CCDC126: variants seen among roughly 807,000 people sequenced by gnomAD.
The protein encoded by CCDC126 is coiled-coil domain-containing protein 126.
Under a neutral mutation model 11.7 loss-of-function variants are expected in CCDC126, and 5 were observed. The observed-to-expected ratio is 0.43, with a 90% CI of 0.22 to 0.90. CCDC126 has a LOEUF of 0.90. Ranked by LOEUF, CCDC126 falls within the 40% of genes least tolerant of loss-of-function variation. The probability of loss-of-function intolerance (pLI) is 0.27; values close to 1 mark genes in which losing one functional copy is unlikely to be tolerated. For synonymous variants in CCDC126, 60 were observed against 61.9 expected (o/e 0.97, Z 0.14); for missense variants, 150 against 163.1 (o/e 0.92, Z 0.44).
intron 3 of CCDC126, among the ~76,000 whole-genome samples, chr7:23,640,966 A>G (rs1018996440): frequency 6.9e-6 from 1 of 144,536 alleles, no homozygotes; most frequent in Admixed American, 6.9e-5. Context: ...GTGTATAAGT[A>G]TCCCTCTGAG....
chr7:23,622,812 G>A (rs1782941117), intron 3 of CCDC126: 1 of 445,398 alleles, frequency 2.2e-6, no homozygotes, highest in Non-Finnish European at 4.4e-6. Flanking sequence ...TGATTACAGA[G>A]CCCCTCCATT....
Position 23,643,222 on chromosome 7 carries a change from C to T in CCDC126, c.*107C>T. 1.1e-6 allele frequency: 1 copy of T among 931,562 alleles called. No homozygotes were observed. The highest frequency in any genetic ancestry group is 1.6e-6 in the Non-Finnish European group (1 of 638,756). The allele number at this position is 931,562 out of a possible 1,614,324, so 57.7% of individuals were successfully genotyped here. On this transcript the variant is annotated 3_prime_UTR_variant, in exon 4 of 4. Coordinates refer to ENST00000307471, the MANE Select transcript of CCDC126 (RefSeq NM_138771.4). ...ACAGAGCAATACTTTACAATAAAAG[C>T]TCTACACATTTTCAAGGAGTATGCT... is the stretch of plus-strand genomic sequence containing the variant.
At chr7:23,639,054 G>C (rs921492732) in intron 3 of CCDC126, among the ~76,000 whole-genome samples, 1 of 151,764 alleles carries the variant, frequency 6.6e-6, no homozygotes, top group African/African-American at 2.4e-5. Context: ...TGATTGAAAG[G>C]TATTAATAAA....
chr7:23,611,223 G>A lies in CCDC126; in HGVS notation c.-93G>A. 1.3e-6 allele frequency: 1 copy of A among 757,128 alleles called. No individual in the cohort carries two copies. Among genetic ancestry groups the A allele is most frequent in the South Asian group, 1.6e-5 (1 of 61,090 alleles). 46.9% of individuals were successfully genotyped at this position (757,128 alleles called of 1,614,324 possible). A position where few individuals can be genotyped will look rare whatever the true frequency, so the allele number is the denominator to read the frequency against. ...GAAGATGAAGAATATACAATATTGA[G>A]GATATTTTTTTCTTTTTTTTTTCAA... On this transcript the variant is annotated 5_prime_UTR_variant, in exon 3 of 4. Transcript: ENST00000307471.
At chr7:23,640,542 A>G (rs113496231) in intron 3 of CCDC126, among the ~76,000 whole-genome samples, 67 of 152,260 alleles carry the variant, frequency 4.4e-4, no homozygotes, top group African/African-American at 1.6e-3. Context: ...ATCAATATTC[A>G]TTATATTCAC....
chr7:23,625,685 T>G (rs1783003715), intron 3 of CCDC126, among the ~76,000 whole-genome samples: 1 of 142,238 alleles, frequency 7.0e-6, no homozygotes, highest in South Asian at 2.3e-4. Context: ...AGGCAGAGTC[T>G]TGCTCTGTTG....
At chr7:23,623,864 G>A (rs1782969409) in intron 3 of CCDC126, among the ~76,000 whole-genome samples, 1 of 151,970 alleles carries the variant, frequency 6.6e-6, no homozygotes, top group Admixed American at 6.6e-5. Context: ...ATAAATTGTC[G>A]CTTTGTAGTA....
At chr7:23,616,634 C>T (rs1429344923) in intron 3 of CCDC126, among the ~76,000 whole-genome samples, 1 of 152,098 alleles carries the variant, frequency 6.6e-6, no homozygotes, top group African/African-American at 2.4e-5. Context: ...CTCCTCATCC[C>T]CCTAGGTTCC....
intron 3 of CCDC126, among the ~76,000 whole-genome samples, chr7:23,613,190 A>G (rs983024041): frequency 2.0e-5 from 3 of 152,126 alleles, no homozygotes; most frequent in African/African-American, 7.2e-5. Context: ...GCGCACTTGT[A>G]GTTCCAGCTA....
intron 3 of CCDC126, among the ~76,000 whole-genome samples, chr7:23,628,420 C>G (rs552530823): frequency 6.6e-6 from 1 of 152,208 alleles, no homozygotes; most frequent in Non-Finnish European, 1.5e-5. Context: ...CCTGTTCTCT[C>G]TAGCCAAGAA....
chr7:23,620,900 A>T (rs1396769463), intron 3 of CCDC126, among the ~76,000 whole-genome samples: 3 of 152,094 alleles, frequency 2.0e-5, no homozygotes, highest in Non-Finnish European at 4.4e-5. Flanking sequence ...GATGTGTGGT[A>T]TTATTTCTGA....
At chr7:23,612,267 G>C (rs973346516) in intron 3 of CCDC126, among the ~76,000 whole-genome samples, 23 of 151,174 alleles carry the variant, frequency 1.5e-4, no homozygotes, top group African/African-American at 4.6e-4. Flanking sequence ...GACTAGCCTA[G>C]TAGCCTAGGC....
At chr7:23,626,308 T>A (rs1238774222) in intron 3 of CCDC126, among the ~76,000 whole-genome samples, 1 of 152,158 alleles carries the variant, frequency 6.6e-6, no homozygotes, top group Non-Finnish European at 1.5e-5. Flanking sequence ...GAGTACAAAT[T>A]ATAATAAGAT....
At chr7:23,633,529 A>T (rs17148222) in intron 3 of CCDC126, among the ~76,000 whole-genome samples, 1 of 151,760 alleles carries the variant, frequency 6.6e-6, no homozygotes, top group Non-Finnish European at 1.5e-5. Flanking sequence ...TAGTAGCTTC[A>T]TAGTAAAACT....
intron 3 of CCDC126, among the ~76,000 whole-genome samples, chr7:23,641,448 A>G (rs927955041): frequency 2.6e-5 from 4 of 152,146 alleles, no homozygotes; most frequent in Non-Finnish European, 4.4e-5. Context: ...CTCCCATTCT[A>G]TAGGTTGTCT....
chr7:23,616,536 G>T (rs1246196894), intron 3 of CCDC126, among the ~76,000 whole-genome samples: 1 of 152,164 alleles, frequency 6.6e-6, no homozygotes, highest in Non-Finnish European at 1.5e-5. Context: ...ATGCTTCATT[G>T]TAAGTTTGGC....
rs1168126502 is a variant in CCDC126, at chr7:23,644,206, T to A, written c.*1091T>A. 6.6e-6 allele frequency: 1 copy of A among 152,160 alleles called. No individual in the cohort carries two copies. Among genetic ancestry groups the A allele is most frequent in the Non-Finnish European group, 1.5e-5 (1 of 67,902 alleles). The allele number at this position is 152,160 out of a possible 1,614,324, so 9.4% of individuals were successfully genotyped here. On this transcript the variant is annotated 3_prime_UTR_variant, in exon 4 of 4. Transcript: ENST00000307471. ...TAATGGCCACTTAAAATAAGAACAT[T>A]TAAAATATAAACTATGAAGATTGAC...
intron 3 of CCDC126, chr7:23,622,680 G>T: frequency 1.9e-6 from 1 of 532,504 alleles, no homozygotes. Flanking sequence ...GCAGATGACT[G>T]CTTAGTACAG....
At chr7:23,612,474 C>CAAAAAAAAAAAAAAA (rs70954395) in intron 3 of CCDC126, among the ~76,000 whole-genome samples, 2 of 56,224 alleles carry the variant, frequency 3.6e-5, no homozygotes, top group Non-Finnish European at 6.3e-5. Context: ...GACTCCATCT[C>CAAAAAAAAAAAAAAA]AAAAAAAAAA....
Sources: allele counts gnomAD v4.1 joint callset (sites outside exome capture counted in the v4.1 genomes callset), GRCh38; gene constraint gnomAD v4.1.1; transcripts MANE v1.5; gene names NCBI Gene and HGNC (gene_info 2026-07-23, HGNC 2026-07-21).